DYNLRB2: variants seen among roughly 807,000 people sequenced by gnomAD.
DYNLRB2 encodes the protein bithoraxoid-like protein.
Under a neutral mutation model 12.6 loss-of-function variants are expected in DYNLRB2, and 14 were observed. The observed-to-expected ratio is 1.11, with a 90% CI of 0.73 to 1.73. DYNLRB2 has a LOEUF of 1.73. DYNLRB2 is among the 40% of genes most tolerant of loss of function. The pLI, the probability that DYNLRB2 is intolerant of heterozygous loss-of-function variation, is 0.00. For synonymous variants in DYNLRB2, 53 were observed against 37.0 expected (o/e 1.43, Z -1.57); for missense variants, 142 against 117.7 (o/e 1.21, Z -0.95).
Position 80,541,073 on chromosome 16 carries a change from C to A in DYNLRB2, c.-4C>A. On this transcript the variant is annotated 5_prime_UTR_variant, in exon 1 of 4. Transcript: ENST00000305904. ...CCTGAGCCCAGAGTTTCGCGGCCTC[C>A]GCGATGGTAAATCTGGGGTCTCCGT... The A allele has an allele frequency of 6.2e-7, 1 of 1,608,136 alleles. No individual in the cohort carries two copies. The highest frequency in any genetic ancestry group is 8.5e-7 in the Non-Finnish European group (1 of 1,176,762).
chr16:80,546,776 A>G (rs932634896), intron 2 of DYNLRB2, among the ~76,000 whole-genome samples: 15 of 152,206 alleles, frequency 9.9e-5, no homozygotes, highest in Admixed American at 4.6e-4. Context: ...CTAACAATCT[A>G]TCATTTGAGT....
chr16:80,548,684 C>CG (rs1904635983), intron 2 of DYNLRB2, among the ~76,000 whole-genome samples: 1 of 149,014 alleles, frequency 6.7e-6, no homozygotes, highest in African/African-American at 2.5e-5. Flanking sequence ...ATCATGCCGT[C>CG]GCACTCCAGC....
At chr16:80,544,388 C>T (rs1316321583) in intron 2 of DYNLRB2, among the ~76,000 whole-genome samples, 3 of 152,070 alleles carry the variant, frequency 2.0e-5, no homozygotes, top group Admixed American at 6.6e-5. Context: ...AACTCAAGGC[C>T]AAATGAGTGA....
intron 2 of DYNLRB2, among the ~76,000 whole-genome samples, chr16:80,546,303 T>C (rs747343671): frequency 2.0e-4 from 31 of 152,236 alleles, no homozygotes; most frequent in Non-Finnish European, 3.7e-4. Flanking sequence ...TCCCATGAAA[T>C]TTAATACCAA....
At chr16:80,540,866 C>G (rs958539498), upstream of DYNLRB2, 4 of 834,686 alleles carry the variant, frequency 4.8e-6, no homozygotes, top group South Asian at 2.9e-5. Flanking sequence ...TGAGCGCCTG[C>G]TCCCCTCTTC....
upstream of DYNLRB2, chr16:80,540,898 G>A (rs1449681035): frequency 2.7e-6 from 3 of 1,124,926 alleles, no homozygotes; most frequent in East Asian, 5.1e-5. Context: ...GCCTACGGCG[G>A]CCGGGAGGCA....
chr16:80,547,052 G>T (rs990030509), intron 2 of DYNLRB2, among the ~76,000 whole-genome samples: 1 of 152,166 alleles, frequency 6.6e-6, no homozygotes, highest in Non-Finnish European at 1.5e-5. Context: ...GACATATTCT[G>T]TAGCCTTGTT....
chr16:80,550,370 G>A, intron 3 of DYNLRB2, 145 bp from the exon 4 acceptor site: 1 of 846,132 alleles, frequency 1.2e-6, no homozygotes, highest in Non-Finnish European at 1.9e-6. Flanking sequence ...AGACTGAACA[G>A]GTAATTCATA....
intron 2 of DYNLRB2, among the ~76,000 whole-genome samples, chr16:80,546,769 A>G (rs542626067): frequency 6.6e-6 from 1 of 152,320 alleles, no homozygotes; most frequent in South Asian, 2.1e-4. Context: ...GACATTTCTA[A>G]CAATCTATCA....
chr16:80,548,207 A>G (rs1233595837), intron 2 of DYNLRB2: 1 of 169,450 alleles, frequency 5.9e-6, no homozygotes, highest in Non-Finnish European at 1.3e-5. Context: ...CACATTTGCA[A>G]ATCAAATCCC....
intron 2 of DYNLRB2, chr16:80,548,015 A>G: frequency 2.9e-6 from 1 of 341,904 alleles, no homozygotes; most frequent in Non-Finnish European, 5.7e-6. Context: ...GTAAAATCCT[A>G]AGTTTGTAAC....
upstream of DYNLRB2, chr16:80,540,868 C>CCCT: frequency 1.2e-6 from 1 of 846,680 alleles, no homozygotes. Context: ...AGCGCCTGCT[C>CCCT]CCCTCTTCCG....
At chr16:80,545,499 A>G (rs1904396995) in intron 2 of DYNLRB2, among the ~76,000 whole-genome samples, 1 of 152,098 alleles carries the variant, frequency 6.6e-6, no homozygotes, top group African/African-American at 2.4e-5. Flanking sequence ...GGCCAGGTGC[A>G]CACATACACT....
chr16:80,543,208 A>T, intron 1 of DYNLRB2, 68 bp from the exon 2 acceptor site: 2 of 1,493,064 alleles, frequency 1.3e-6, no homozygotes, highest in Non-Finnish European at 1.9e-6. Context: ...CTTGCTAAAC[A>T]TTATTCTCCT....
intron 2 of DYNLRB2, chr16:80,547,861 T>C (rs1250744284): frequency 2.2e-6 from 1 of 456,580 alleles, no homozygotes; most frequent in East Asian, 6.9e-5. Flanking sequence ...TTTATTATGC[T>C]TTATTTATTG....
chr16:80,542,113 C>T (rs981626328), intron 1 of DYNLRB2, among the ~76,000 whole-genome samples: 9 of 152,158 alleles, frequency 5.9e-5, no homozygotes, highest in African/African-American at 9.7e-5. Flanking sequence ...AGGCTCAGAG[C>T]TTTCATTGCA....
Position 80,549,617 on chromosome 16 carries a change from C to G in DYNLRB2, c.213C>G (p.Ile71Met), listed in dbSNP as rs762959332. ...DPQNDLTFLRIRSKKHEIMVA... is the reference protein window; with the variant it reads ...DPQNDLTFLRMRSKKHEIMVA... Reference sequence around the variant, plus strand: ...AGAACGACCTGACTTTTCTTAGGATCAGATCAAAGAAACATGAAATCATGG... The same window carrying G: ...AGAACGACCTGACTTTTCTTAGGATGAGATCAAAGAAACATGAAATCATGG... Residue 71 changes from isoleucine to methionine, a missense_variant, in exon 3 of 4, where the codon ATC becomes ATG. Ile to Met is a conservative substitution (Grantham distance 10, BLOSUM62 1). Coordinates refer to ENST00000305904, the MANE Select transcript of DYNLRB2 (RefSeq NM_130897.3). 1 of 1,611,492 alleles carries G rather than the reference C, an allele frequency of 6.2e-7. No homozygotes were observed. Among genetic ancestry groups the G allele is most frequent in the African/African-American group, 1.3e-5 (1 of 74,888 alleles).
intron 2 of DYNLRB2, 128 bp downstream of exon 2, chr16:80,543,479 C>A: frequency 1.2e-6 from 1 of 840,466 alleles, no homozygotes; most frequent in Non-Finnish European, 1.8e-6. Flanking sequence ...TTAGCTCTGG[C>A]ATTCACTTAC....
chr16:80,541,096 C>G lies in DYNLRB2; in HGVS notation c.3+17C>G, dbSNP rs753638151. 1.3e-6 allele frequency: 2 copies of G among 1,599,034 alleles called. No homozygotes were observed. Among genetic ancestry groups the G allele is most frequent in the South Asian group, 1.1e-5 (1 of 89,702 alleles). On this transcript the variant is annotated intron_variant, in intron 1 of 3. Transcript: ENST00000305904. The stretch of plus-strand genomic sequence containing the variant: ...TCCGCGATGGTAAATCTGGGGTCTC[C>G]GTCCACGCCCCGCCGTTCCAAGCAC...
Sources: gnomAD v4.1 joint callset for allele counts (sites outside exome capture counted in the v4.1 genomes callset) on GRCh38, gnomAD v4.1.1 for gene constraint, MANE v1.5 for transcripts, NCBI Gene and HGNC (gene_info 2026-07-23, HGNC 2026-07-21) for gene names.